DERA: variants seen among roughly 807,000 people sequenced by gnomAD.
DERA encodes 2-deoxy-D-ribose 5-phosphate aldolase.
Under a neutral mutation model 41.1 loss-of-function variants are expected in DERA, and 15 were observed. The observed-to-expected ratio is 0.37, with a 90% CI of 0.24 to 0.56. The LOEUF (loss-of-function observed/expected upper bound fraction) is 0.56. Ranked by LOEUF, DERA falls within the 20% of genes least tolerant of loss-of-function variation. DERA has a pLI of 0.81. For missense variants in DERA, 396 were observed against 403.4 expected, an observed-to-expected ratio of 0.98 and a Z score of 0.16; for synonymous variants, 139 against 137.4, an observed-to-expected ratio of 1.01 and a Z score of -0.08.
intron 1 of DERA, among the ~76,000 whole-genome samples, chr12:15,956,055 T>C (rs1325777441): frequency 6.6e-6 from 1 of 152,230 alleles, no homozygotes; most frequent in African/African-American, 2.4e-5. Flanking sequence ...TACCAAACAC[T>C]GTTGGATGTT....
rs1208972875 is a variant in DERA, at chr12:15,967,019, C to T, written c.508+4072C>T. Among the ~76,000 whole-genome samples, 2 of 152,032 alleles carry T rather than the reference C, an allele frequency of 1.3e-5. No homozygotes were observed. The highest frequency in any genetic ancestry group is 2.1e-4 in the South Asian group (1 of 4,818). On this transcript the variant is annotated intron_variant, in intron 5 of 8. Coordinates refer to ENST00000428559, the MANE Select transcript of DERA (RefSeq NM_015954.4). This position sits in a 1 kb window ranked among gnomAD's most constrained non-coding sequence, Gnocchi z 4.9. ...TAAGTAGACATTCAAATATCACTGA[C>T]CCTTGACAAAATCAGAGAAATATAG... is the stretch of plus-strand genomic sequence containing the variant.
intron 1 of DERA, among the ~76,000 whole-genome samples, chr12:15,945,294 G>C (rs1418035676): frequency 6.6e-6 from 1 of 152,136 alleles, no homozygotes; most frequent in African/African-American, 2.4e-5. Context: ...GATGGGGATG[G>C]CATTGAATCT....
chr12:16,026,371 G>A lies in DERA; in HGVS notation c.638-6171G>A, dbSNP rs11056756. On this transcript the variant is annotated intron_variant, in intron 6 of 8. Transcript: ENST00000428559. The surrounding 1 kb of genome is among the most constrained non-coding windows in gnomAD (Gnocchi z 4.4). Reference sequence around the variant, plus strand: ...AAGAAGGGTCATCTCCTCTTCCCATGGATATTAAAAGGATTATAAAGGAAT... The same window carrying A: ...AAGAAGGGTCATCTCCTCTTCCCATAGATATTAAAAGGATTATAAAGGAAT... Among the ~76,000 whole-genome samples, 7,718 of 151,252 alleles carry A rather than the reference G, an allele frequency of 0.051. 825 individuals are homozygous for A. Among genetic ancestry groups the A allele is most frequent in the East Asian group, 0.51 (2,597 of 5,142 alleles).
At chr12:15,969,808 A>C (rs979889502) in intron 5 of DERA, among the ~76,000 whole-genome samples, 4 of 152,202 alleles carry the variant, frequency 2.6e-5, no homozygotes, top group African/African-American at 4.8e-5. Flanking sequence ...TCTTTTATAG[A>C]GTGTTAATCA....
At chr12:15,977,686 G>A (rs915681523) in intron 5 of DERA, among the ~76,000 whole-genome samples, 1 of 152,150 alleles carries the variant, frequency 6.6e-6, no homozygotes, top group African/African-American at 2.4e-5. Flanking sequence ...TCGAACTCCT[G>A]ACCTCAGGTG....
Position 16,000,840 on chromosome 12 carries a change from A to C in DERA, c.637+18404A>C, listed in dbSNP as rs1165076592. ...TGTAATGATACCTATAGTTGCATCCATCAGATGTTGAGTTTTTTTTTACTA... is the reference window on the plus strand; with the variant it reads ...TGTAATGATACCTATAGTTGCATCCCTCAGATGTTGAGTTTTTTTTTACTA... On this transcript the variant is annotated intron_variant, in intron 6 of 8. Transcript: ENST00000428559. This position sits in a 1 kb window ranked among gnomAD's most constrained non-coding sequence, Gnocchi z 4.8. Among the ~76,000 whole-genome samples, 1 of 150,696 alleles carries C rather than the reference A, an allele frequency of 6.6e-6. No individual in the cohort carries two copies. The highest frequency in any genetic ancestry group is 1.5e-5 in the Non-Finnish European group (1 of 67,570).
In DERA at chr12:16,013,382, T is replaced by C. The variant is rs1385484684; in HGVS notation, c.638-19160T>C. ...TGAATCATGAGGGCAGTTTCCCCCA[T>C]GTTGTTCTTACCATAATGAGTGAGT... On this transcript the variant is annotated intron_variant, in intron 6 of 8. Transcript: ENST00000428559. This position sits in a 1 kb window ranked among gnomAD's most constrained non-coding sequence, Gnocchi z 5.8. Among the ~76,000 whole-genome samples the C allele has an allele frequency of 6.6e-6, 1 of 152,162 alleles. No homozygotes were observed. The highest frequency in any genetic ancestry group is 1.5e-5 in the Non-Finnish European group (1 of 68,020).
At chr12:15,979,087 A>G (rs889539847) in intron 5 of DERA, among the ~76,000 whole-genome samples, 2 of 152,242 alleles carry the variant, frequency 1.3e-5, no homozygotes, top group Non-Finnish European at 2.9e-5. Flanking sequence ...CTACAATACT[A>G]TACTTCTTCA....
intron 1 of DERA, among the ~76,000 whole-genome samples, chr12:15,939,010 G>C (rs1191967678): frequency 6.6e-6 from 1 of 152,176 alleles, no homozygotes; most frequent in African/African-American, 2.4e-5. Context: ...GGCTGACCCT[G>C]TAAGTCCCTT....
intron 6 of DERA, among the ~76,000 whole-genome samples, chr12:16,029,526 T>C (rs1949076409): frequency 6.6e-6 from 1 of 152,212 alleles, no homozygotes; most frequent in Non-Finnish European, 1.5e-5. Flanking sequence ...ACAAGATTAT[T>C]TTCCCTTCTT....
intron 7 of DERA, among the ~76,000 whole-genome samples, chr12:16,034,767 AAAG>A (rs1356504028): frequency 6.6e-6 from 1 of 152,218 alleles, no homozygotes; most frequent in Non-Finnish European, 1.5e-5. Context: ...TAAAAAAAAA[AAAG>A]ATAAACTTAT....
In DERA at chr12:15,965,668, C is replaced by G. The variant is rs1000262500; in HGVS notation, c.508+2721C>G. On this transcript the variant is annotated intron_variant, in intron 5 of 8. Transcript: ENST00000428559. This position sits in a 1 kb window ranked among gnomAD's most constrained non-coding sequence, Gnocchi z 4.1. ...TCCTCTCTGGGTTCTCCTTAGTGAC[C>G]ATTTAAAATGTCCACTTTCCTGAAA... is the stretch of plus-strand genomic sequence containing the variant. Among the ~76,000 whole-genome samples, 5 of 152,062 alleles carry G rather than the reference C, an allele frequency of 3.3e-5. No individual in the cohort carries two copies. Among genetic ancestry groups the G allele is most frequent in the African/African-American group, 1.2e-4 (5 of 41,404 alleles).
At chr12:16,006,182 T>C (rs896553095) in intron 6 of DERA, among the ~76,000 whole-genome samples, 1 of 152,216 alleles carries the variant, frequency 6.6e-6, no homozygotes. Flanking sequence ...GAGCTGAGAC[T>C]GTAGGTGACA....
chr12:15,960,726 T>C (rs922954758), intron 4 of DERA, among the ~76,000 whole-genome samples: 5 of 145,510 alleles, frequency 3.4e-5, no homozygotes, highest in African/African-American at 7.8e-5. Flanking sequence ...TCTGCAGAGG[T>C]TGGTGACACC....
chr12:16,011,621 A>C lies in DERA; in HGVS notation c.638-20921A>C, dbSNP rs1948947607. Among the ~76,000 whole-genome samples the C allele has an allele frequency of 6.6e-6, 1 of 152,226 alleles. No individual in the cohort carries two copies. Among genetic ancestry groups the C allele is most frequent in the Non-Finnish European group, 1.5e-5 (1 of 68,028 alleles). Reference sequence around the variant, plus strand: ...TTAGATACGATTTTGTCATTTTAACATGAGATGACTTTAAAACTAATCAAT... The same window carrying C: ...TTAGATACGATTTTGTCATTTTAACCTGAGATGACTTTAAAACTAATCAAT... On this transcript the variant is annotated intron_variant, in intron 6 of 8. Transcript: ENST00000428559. The surrounding 1 kb of genome is among the most constrained non-coding windows in gnomAD (Gnocchi z 4.7).
intron 7 of DERA, among the ~76,000 whole-genome samples, chr12:16,034,294 G>A (rs61909785): frequency 0.2 from 30,837 of 152,146 alleles, 3,653 homozygotes; most frequent in East Asian, 0.31. Flanking sequence ...GGAAAAATGA[G>A]TATGTTCCTT....
chr12:15,923,563 C>T (rs1948261234), intron 1 of DERA, among the ~76,000 whole-genome samples: 1 of 152,182 alleles, frequency 6.6e-6, no homozygotes, highest in South Asian at 2.1e-4. Flanking sequence ...GATGACTAGA[C>T]ACATTATATT....
intron 1 of DERA, among the ~76,000 whole-genome samples, chr12:15,953,719 A>C (rs1948516261): frequency 6.6e-6 from 1 of 152,210 alleles, no homozygotes; most frequent in Admixed American, 6.5e-5. Flanking sequence ...CTTCTCCTGG[A>C]AAGGAGACGC....
chr12:15,940,481 A>G lies in DERA; in HGVS notation c.32-16455A>G, dbSNP rs1480022499. 6.6e-6 allele frequency among the ~76,000 whole-genome samples: 1 copy of G among 152,090 alleles called. No homozygotes were observed. Among genetic ancestry groups the G allele is most frequent in the Non-Finnish European group, 1.5e-5 (1 of 68,016 alleles). Reference sequence around the variant, plus strand: ...ATTCTTCTGCCTCAGCCTCTCGAGTAGCTGGGACTACAGGCGCATGCCACC... The same window carrying G: ...ATTCTTCTGCCTCAGCCTCTCGAGTGGCTGGGACTACAGGCGCATGCCACC... On this transcript the variant is annotated intron_variant, in intron 1 of 8. Coordinates refer to ENST00000428559, the MANE Select transcript of DERA (RefSeq NM_015954.4). This position sits in a 1 kb window ranked among gnomAD's most constrained non-coding sequence, Gnocchi z 5.1.
Sources: allele counts gnomAD v4.1 joint callset (sites outside exome capture counted in the v4.1 genomes callset), GRCh38; gene constraint gnomAD v4.1.1; non-coding constraint Gnocchi (gnomAD v3.1); transcripts MANE v1.5; gene names NCBI Gene and HGNC (gene_info 2026-07-23, HGNC 2026-07-21).